Variants in PARVB observed in about 807,000 individuals in gnomAD.
PARVB encodes the protein beta-parvin.
Under a neutral mutation model 47.0 loss-of-function variants are expected in PARVB, and 46 were observed. The ratio of observed to expected loss-of-function variants is 0.98; its 90% CI spans 0.77 to 1.25. The LOEUF (loss-of-function observed/expected upper bound fraction) is 1.25, where lower values mean the gene tolerates loss of function less well. Ranked by LOEUF, PARVB falls within the 50% of genes most tolerant of loss-of-function variation. PARVB has a pLI of 0.00. For synonymous variants in PARVB, 196 were observed against 196.3 expected (o/e 1.00, Z 0.01); for missense variants, 473 against 471.6 (o/e 1.00, Z -0.03).
intron 4 of PARVB, among the ~76,000 whole-genome samples, chr22:44,122,538 GAGAGAGAGAGAGAGACACA>G (rs2053082995): frequency 3.9e-5 from 4 of 101,606 alleles, no homozygotes; most frequent in African/African-American, 2.0e-4. Flanking sequence ...CAGAGAGAGA[GAGAGAGAGAGAGAGACACA>G]GAGACAGAGA....
rs1421367686 is a variant in PARVB at position 44,114,354 on chromosome 22, C to G, written c.274-4684C>G. On this transcript the variant is annotated intron_variant, in intron 3 of 12. Transcript: ENST00000338758. ...TACTAAAGCCTTGCACCAACATGGACACATCATTACTAACTAAGGCCCTGC... is the reference window on the plus strand; with the variant it reads ...TACTAAAGCCTTGCACCAACATGGAGACATCATTACTAACTAAGGCCCTGC... The G allele has an allele frequency of 1.5e-5, 2 of 133,762 alleles. 1 individual carries two copies. Among genetic ancestry groups the G allele is most frequent in the African/African-American group, 6.1e-5 (2 of 33,006 alleles). The allele number at this position is 133,762 out of a possible 1,614,324, so 8.3% of individuals were successfully genotyped here.
intron 1 of PARVB, among the ~76,000 whole-genome samples, chr22:44,072,147 C>T (rs973914910): frequency 2.0e-5 from 3 of 152,218 alleles, no homozygotes; most frequent in African/African-American, 7.2e-5. Flanking sequence ...GCTGCTTTTC[C>T]TTGGCAAGTC....
intron 2 of PARVB, among the ~76,000 whole-genome samples, chr22:44,096,499 GTCA>G (rs1171828986): frequency 1.3e-5 from 2 of 152,206 alleles, no homozygotes; most frequent in African/African-American, 4.8e-5. Context: ...GCTCATAAAT[GTCA>G]TCATTGTAGC....
At chr22:44,158,157 G>A in intron 11 of PARVB, 74 bp downstream of exon 11, 1 of 1,004,468 alleles carries the variant, frequency 1.0e-6, no homozygotes. Flanking sequence ...GACTATCCCG[G>A]CAGCTCTTCC....
At chr22:44,141,021 C>T (rs992122144) in intron 8 of PARVB, 1 of 161,054 alleles carries the variant, frequency 6.2e-6, no homozygotes, top group Admixed American at 5.8e-5. Flanking sequence ...GAGGGGAGAA[C>T]AGCTCTTAAA....
chr22:44,132,910 C>T lies in PARVB; in HGVS notation c.534C>T (p.Asn178=). 1 of 1,613,500 alleles carries T rather than the reference C, an allele frequency of 6.2e-7. No individual in the cohort carries two copies. The highest frequency in any genetic ancestry group is 8.5e-7 in the Non-Finnish European group (1 of 1,179,438). ...RWSVDSIHGK[N]LVAILHLLVS... is the part of the protein sequence containing the mutation. Reference sequence around the variant, plus strand: ...CTCCTGCAGCAATTCACGGGAAGAACCTGGTGGCCATCCTCCACCTGCTGG... The same window carrying T: ...CTCCTGCAGCAATTCACGGGAAGAATCTGGTGGCCATCCTCCACCTGCTGG... The change falls in exon 6 of 13, where the codon AAC becomes AAT. Residue 178 remains asparagine (N), a synonymous_variant. Transcript: ENST00000338758.
chr22:44,019,209 G>A (rs28617535), intron 2 of PARVB, among the ~76,000 whole-genome samples: 2,291 of 150,370 alleles, frequency 0.015, 64 homozygotes, highest in African/African-American at 0.054. Context: ...GAGCCACCAC[G>A]CCTGGCCTAT....
chr22:44,021,775 A>G (rs1449945022), upstream of PARVB, among the ~76,000 whole-genome samples: 1 of 108,530 alleles, frequency 9.2e-6, no homozygotes, highest in African/African-American at 3.7e-5. Flanking sequence ...ACACACACAC[A>G]CACACACACA....
chr22:44,060,307 C>T (rs1255428424), intron 1 of PARVB, among the ~76,000 whole-genome samples: 1 of 152,056 alleles, frequency 6.6e-6, no homozygotes, highest in Admixed American at 6.6e-5. Context: ...CAGAGAGAGA[C>T]TCTTTCTAAA....
chr22:44,164,384 G>C (rs1278459733), intron 12 of PARVB, among the ~76,000 whole-genome samples: 2 of 146,394 alleles, frequency 1.4e-5, no homozygotes, highest in Non-Finnish European at 3.0e-5. Flanking sequence ...GGCCAGCAGA[G>C]CTGGGGCGGG....
At chr22:44,090,688 C>G (rs907415292) in intron 1 of PARVB, among the ~76,000 whole-genome samples, 2 of 152,224 alleles carry the variant, frequency 1.3e-5, no homozygotes, top group Non-Finnish European at 2.9e-5. Context: ...TCGGGCGTAG[C>G]CCACCTGTGT....
chr22:44,052,176 G>T (rs536506839), intron 1 of PARVB, among the ~76,000 whole-genome samples: 3 of 152,164 alleles, frequency 2.0e-5, no homozygotes, highest in African/African-American at 7.2e-5. Flanking sequence ...TAATTGCCTC[G>T]GCGGTTCTCC....
At chr22:44,124,609 G>T (rs566381443) in intron 4 of PARVB, among the ~76,000 whole-genome samples, 1 of 141,606 alleles carries the variant, frequency 7.1e-6, no homozygotes, top group Admixed American at 7.0e-5. Flanking sequence ...GGGTCTCCCC[G>T]TGGGCCATCC....
intron 11 of PARVB, among the ~76,000 whole-genome samples, chr22:44,159,483 G>A (rs6006680): frequency 3.3e-4 from 50 of 152,264 alleles, no homozygotes; most frequent in African/African-American, 1.1e-3. Flanking sequence ...CCTCTGAATC[G>A]GAGCGAGGAA....
At chr22:44,047,828 C>T (rs778021913) in intron 1 of PARVB, among the ~76,000 whole-genome samples, 57 of 152,116 alleles carry the variant, frequency 3.7e-4, no homozygotes, top group Non-Finnish European at 6.5e-4. Flanking sequence ...AGGTATTTGA[C>T]GTTGGTGTAA....
intron 10 of PARVB, 129 bp downstream of exon 10, chr22:44,151,680 A>C: frequency 1.4e-6 from 1 of 715,472 alleles, no homozygotes; most frequent in South Asian, 1.5e-5. Context: ...CCCGTGGTGC[A>C]GGCAGAAATA....
intron 1 of PARVB, among the ~76,000 whole-genome samples, chr22:44,057,590 A>G (rs1413101773): frequency 6.6e-6 from 1 of 151,702 alleles, no homozygotes; most frequent in Non-Finnish European, 1.5e-5. Flanking sequence ...GGCCTGCCTT[A>G]GGTCAGCTCA....
chr22:44,094,493 A>G (rs912009423), intron 2 of PARVB, among the ~76,000 whole-genome samples: 1 of 151,994 alleles, frequency 6.6e-6, no homozygotes, highest in Admixed American at 6.6e-5. Flanking sequence ...TTGATATTTT[A>G]TGTATATATT....
chr22:44,062,655 A>G (rs1027908520), intron 1 of PARVB, among the ~76,000 whole-genome samples: 11 of 151,736 alleles, frequency 7.2e-5, no homozygotes, highest in African/African-American at 2.7e-4. Context: ...AAAAAAAAGA[A>G]CTCAGGGAAA....
Sources: gnomAD v4.1 joint callset for allele counts (sites outside exome capture counted in the v4.1 genomes callset) on GRCh38, gnomAD v4.1.1 for gene constraint, MANE v1.5 for transcripts, NCBI Gene and HGNC (gene_info 2026-07-23, HGNC 2026-07-21) for gene names.